Variants in CLYBL observed in about 807,000 individuals in gnomAD.
CLYBL encodes the protein citramalyl-CoA lyase, mitochondrial.
Under a neutral mutation model 38.9 loss-of-function variants are expected in CLYBL, and 31 were observed. The observed-to-expected ratio is 0.80, with a 90% CI of 0.60 to 1.08. The LOEUF (loss-of-function observed/expected upper bound fraction) is 1.08. CLYBL is among the 50% of genes least tolerant of loss of function. The pLI is 0.00. For missense variants in CLYBL, 434 were observed against 411.6 expected (o/e 1.05, Z -0.47); for synonymous variants, 171 against 158.6 (o/e 1.08, Z -0.59).
intron 1 of CLYBL, among the ~76,000 whole-genome samples, chr13:99,608,847 C>CTTTTTTTTTTTTTTTTTTTTTTTTTTT (rs57961216): frequency 2.3e-5 from 2 of 87,876 alleles, no homozygotes; most frequent in African/African-American, 1.1e-4. Context: ...AGTGATGAGT[C>CTTTTTTTTTTTTTTTTTTTTTTTTTTT]TTTTTTTTTT....
At chr13:99,763,153 C>G (rs2049196850) in intron 1 of CLYBL, among the ~76,000 whole-genome samples, 1 of 152,090 alleles carries the variant, frequency 6.6e-6, no homozygotes, top group South Asian at 2.1e-4. Flanking sequence ...TTTGGATACC[C>G]TTTATTTTTT....
intron 1 of CLYBL, among the ~76,000 whole-genome samples, chr13:99,608,845 GTCTTTTTTTTTTTTTTTT>G (rs748231226): frequency 1.3e-5 from 1 of 77,064 alleles, no homozygotes; most frequent in Non-Finnish European, 2.3e-5. Flanking sequence ...TAAGTGATGA[GTCTTTTTTTTTTTTTTTT>G]TTTTTTTTTT....
intron 1 of CLYBL, among the ~76,000 whole-genome samples, chr13:99,708,348 T>C (rs1178538087): frequency 1.3e-5 from 2 of 152,200 alleles, no homozygotes; most frequent in Non-Finnish European, 2.9e-5. Flanking sequence ...CCACCTAATT[T>C]GTTTATTTCC....
intron 1 of CLYBL, among the ~76,000 whole-genome samples, chr13:99,608,062 T>A (rs2046557810): frequency 4.0e-5 from 1 of 24,856 alleles, no homozygotes; most frequent in Admixed American, 6.0e-4. Context: ...CTGGAACTTC[T>A]TTTTTTTTTT....
chr13:99,674,254 C>T (rs186125056), intron 1 of CLYBL, among the ~76,000 whole-genome samples: 128 of 144,330 alleles, frequency 8.9e-4, no homozygotes, highest in Non-Finnish European at 1.3e-3. Flanking sequence ...CAGGTTCAAG[C>T]GATTCTCCTG....
chr13:99,858,517 C>T (rs1446820572), intron 2 of CLYBL, among the ~76,000 whole-genome samples: 1 of 152,184 alleles, frequency 6.6e-6, no homozygotes, highest in Non-Finnish European at 1.5e-5. Flanking sequence ...CCATGCTTAG[C>T]ACTTAATGCT....
At chr13:99,799,916 G>C (rs866688466) in intron 2 of CLYBL, among the ~76,000 whole-genome samples, 3 of 152,222 alleles carry the variant, frequency 2.0e-5, no homozygotes, top group Admixed American at 6.5e-5. Context: ...GGCCTGCAGC[G>C]GTGTGGTGTG....
intron 1 of CLYBL, chr13:99,643,180 C>G (rs553440076): frequency 1.3e-5 from 2 of 152,894 alleles, no homozygotes; most frequent in East Asian, 3.9e-4. Flanking sequence ...CTTGGACGCT[C>G]TGCTTCCACC....
intron 1 of CLYBL, among the ~76,000 whole-genome samples, chr13:99,771,096 C>T (rs2049385091): frequency 6.9e-6 from 1 of 144,952 alleles, no homozygotes; most frequent in Admixed American, 7.0e-5. Context: ...TGCAGCTTTG[C>T]GATCACAGCT....
In CLYBL at chr13:99,619,249, CAG is replaced by C. The variant is rs563185485; in HGVS notation, c.62+12499_62+12500del. ...GGTTAGTATCATTGGAAAGAGGCTTCAGAGAGAGTTTTCCAGTCTTGCCCTTC... is the reference window on the plus strand; with the variant it reads ...GGTTAGTATCATTGGAAAGAGGCTTCAGAGAGTTTTCCAGTCTTGCCCTTC... On this transcript the variant is annotated intron_variant, in intron 1 of 8. Coordinates refer to ENST00000339105, the MANE Select transcript of CLYBL (RefSeq NM_206808.5). 7.0e-4 allele frequency among the ~76,000 whole-genome samples: 106 copies of C among 152,240 alleles called. 1 individual carries two copies. Among genetic ancestry groups the C allele is most frequent in the African/African-American group, 2.3e-3 (97 of 41,540 alleles).
At position 99,786,870 on chromosome 13, in the gene CLYBL, T is replaced by G. The variant is rs974581784; in HGVS notation, c.249+13860T>G. 2.0e-4 allele frequency among the ~76,000 whole-genome samples: 31 copies of G among 152,150 alleles called. 1 individual carries two copies. The highest frequency in any genetic ancestry group is 1.1e-3 in the Admixed American group (17 of 15,262). ...TCTCCACATCCTCTCCAGCACCTGT[T>G]GTTTCCTGACTTTTTAATGATCGCC... On this transcript the variant is annotated intron_variant, in intron 2 of 8. Coordinates refer to ENST00000339105, the MANE Select transcript of CLYBL (RefSeq NM_206808.5).
intron 1 of CLYBL, among the ~76,000 whole-genome samples, chr13:99,772,422 C>T (rs1041270226): frequency 1.3e-5 from 2 of 152,166 alleles, no homozygotes; most frequent in Non-Finnish European, 2.9e-5. Flanking sequence ...TCCAGCTAGG[C>T]ATGGTGGCTC....
chr13:99,712,199 G>A (rs180754136), intron 1 of CLYBL, among the ~76,000 whole-genome samples: 7 of 152,134 alleles, frequency 4.6e-5, no homozygotes, highest in East Asian at 3.9e-4. Context: ...CTCTTTTGTC[G>A]TATTATACCC....
intron 1 of CLYBL, among the ~76,000 whole-genome samples, chr13:99,672,913 A>T (rs1204830705): frequency 6.6e-6 from 1 of 152,180 alleles, no homozygotes; most frequent in Non-Finnish European, 1.5e-5. Context: ...GGAAGGGCGC[A>T]TGGGATCTTC....
chr13:99,614,629 C>G (rs568266956), intron 1 of CLYBL, among the ~76,000 whole-genome samples: 31 of 152,138 alleles, frequency 2.0e-4, no homozygotes, highest in African/African-American at 7.5e-4. Context: ...AACGGCCTCA[C>G]CTTGGCCTCT....
chr13:99,790,123 C>T (rs1322119480), intron 2 of CLYBL, among the ~76,000 whole-genome samples: 1 of 152,082 alleles, frequency 6.6e-6, no homozygotes, highest in African/African-American at 2.4e-5. Flanking sequence ...CTGAATACAG[C>T]ACACTGATGG....
At position 99,854,019 on chromosome 13, in the gene CLYBL, C is replaced by T. The variant is rs148603092; in HGVS notation, c.250-4842C>T. Reference sequence around the variant, plus strand: ...ATTCAGAAGGGATAGAATTTACTGTCGTTTTTGAATACGTGGCATGGCAAT... The same window carrying T: ...ATTCAGAAGGGATAGAATTTACTGTTGTTTTTGAATACGTGGCATGGCAAT... On this transcript the variant is annotated intron_variant, in intron 2 of 8. Coordinates refer to ENST00000339105, the MANE Select transcript of CLYBL (RefSeq NM_206808.5). 1.1e-3 allele frequency among the ~76,000 whole-genome samples: 175 copies of T among 152,250 alleles called. 3 individuals carry two copies. The highest frequency in any genetic ancestry group is 2.1e-3 in the Non-Finnish European group (142 of 68,016).
Position 99,646,742 on chromosome 13 carries a change from T to TATTA in CLYBL, c.62+39987_62+39990dup, listed in dbSNP as rs201086712. ...GGTTTCACCATCTTGGCCAGGTTGG[T>TATTA]ATTAAACTCCTGACCTCGTGATCCA... is the stretch of plus-strand genomic sequence containing the variant. On this transcript the variant is annotated intron_variant, in intron 1 of 8. Coordinates refer to ENST00000339105, the MANE Select transcript of CLYBL (RefSeq NM_206808.5). Among the ~76,000 whole-genome samples the TATTA allele has an allele frequency of 8.2e-3, 1,227 of 150,464 alleles. 8 individuals carry two copies. The highest frequency in any genetic ancestry group is 0.017 in the Middle Eastern group (5 of 290).
intron 1 of CLYBL, among the ~76,000 whole-genome samples, chr13:99,721,195 C>G (rs2048387271): frequency 6.6e-6 from 1 of 152,074 alleles, no homozygotes; most frequent in African/African-American, 2.4e-5. Flanking sequence ...AGGCACCCAC[C>G]ACCACGCCTG....
Sources: gnomAD v4.1 joint callset for allele counts (sites outside exome capture counted in the v4.1 genomes callset) on GRCh38, gnomAD v4.1.1 for gene constraint, MANE v1.5 for transcripts, NCBI Gene and HGNC (gene_info 2026-07-23, HGNC 2026-07-21) for gene names.